The following CAMKMT variants were observed in gnomAD, a reference collection of about 807,000 sequenced individuals.
CAMKMT encodes CaM KMT.
Under a neutral mutation model 48.0 loss-of-function variants are expected in CAMKMT, and 53 were observed. The ratio of observed to expected loss-of-function variants is 1.10; its 90% CI spans 0.89 to 1.39. The LOEUF (loss-of-function observed/expected upper bound fraction) is 1.39. Among genes scored for constraint, CAMKMT ranks in the 40% most tolerant of loss-of-function variants. The pLI, the probability that CAMKMT is intolerant of heterozygous loss-of-function variation, is 0.00. For missense variants in CAMKMT, 428 were observed against 402.7 expected (o/e 1.06, Z -0.54); for synonymous variants, 165 against 152.3 (o/e 1.08, Z -0.61).
In CAMKMT at chr2:44,667,328, G is replaced by A. The variant is rs534918054; in HGVS notation, c.377-36955G>A. 2.8e-4 allele frequency among the ~76,000 whole-genome samples: 42 copies of A among 152,200 alleles called. No homozygotes were observed. In the East Asian group the frequency reaches 6.0e-3, roughly 22 times the overall value. On this transcript the variant is annotated intron_variant, in intron 3 of 10. Transcript: ENST00000378494. ...TCACCAGCAGATGATATCCCCATCC[G>A]GCTCTCCCCTGAGGACCCTGCTTCC...
At chr2:44,615,128 G>C (rs1286404633) in intron 3 of CAMKMT, among the ~76,000 whole-genome samples, 1 of 151,546 alleles carries the variant, frequency 6.6e-6, no homozygotes. Context: ...GTCTTGCTAT[G>C]TTGCCCAGGC....
chr2:44,710,895 A>C (rs1437002106), intron 6 of CAMKMT, among the ~76,000 whole-genome samples: 2 of 152,202 alleles, frequency 1.3e-5, no homozygotes, highest in Non-Finnish European at 2.9e-5. Context: ...CTATGCAGAA[A>C]ATTCCAATGT....
At chr2:44,569,669 G>C (rs1368421341) in intron 3 of CAMKMT, among the ~76,000 whole-genome samples, 1 of 152,190 alleles carries the variant, frequency 6.6e-6, no homozygotes, top group Non-Finnish European at 1.5e-5. Context: ...AGAATGCTGA[G>C]GAAGGGTAGT....
rs1674214639 is a variant in CAMKMT, at chr2:44,653,739, A to T, written c.377-50544A>T. The stretch of plus-strand genomic sequence containing the variant: ...AAATTAATCTTTTGGGATTGTAGAT[A>T]TAATAGCAATAATTTGGAGTTATTT... On this transcript the variant is annotated intron_variant, in intron 3 of 10. Coordinates refer to ENST00000378494, the MANE Select transcript of CAMKMT (RefSeq NM_024766.5). The surrounding 1 kb of genome is among the most constrained non-coding windows in gnomAD (Gnocchi z 5.2). Among the ~76,000 whole-genome samples, 15 of 152,318 alleles carry T rather than the reference A, an allele frequency of 9.8e-5. 1 individual carries two copies. In the South Asian group the frequency reaches 3.1e-3, roughly 32 times the overall value.
intron 2 of CAMKMT, among the ~76,000 whole-genome samples, chr2:44,389,896 T>C (rs894082883): frequency 3.9e-5 from 6 of 152,184 alleles, no homozygotes; most frequent in African/African-American, 1.4e-4. Flanking sequence ...TGGAAGGTGA[T>C]GATTTTTCAG....
intron 3 of CAMKMT, among the ~76,000 whole-genome samples, chr2:44,433,470 C>T (rs369192517): frequency 2.6e-5 from 4 of 151,240 alleles, no homozygotes; most frequent in Non-Finnish European, 5.9e-5. Flanking sequence ...AGTTTGTATA[C>T]GAAAAGATGT....
chr2:44,543,992 C>A (rs1487572563), intron 3 of CAMKMT, among the ~76,000 whole-genome samples: 4 of 152,026 alleles, frequency 2.6e-5, no homozygotes, highest in African/African-American at 9.7e-5. Context: ...TAAGATAGGT[C>A]AAATGAAGTT....
intron 3 of CAMKMT, among the ~76,000 whole-genome samples, chr2:44,568,386 C>A (rs1283104919): frequency 1.3e-5 from 2 of 152,182 alleles, no homozygotes; most frequent in Non-Finnish European, 2.9e-5. Flanking sequence ...CCTGAATGAA[C>A]ATAATTTTTC....
intron 3 of CAMKMT, among the ~76,000 whole-genome samples, chr2:44,546,305 C>A (rs1017651335): frequency 1.3e-5 from 2 of 152,132 alleles, no homozygotes; most frequent in African/African-American, 4.8e-5. Context: ...TGGCCTTGTC[C>A]TGGAAATTCC....
chr2:44,507,448 C>G (rs906632886), intron 3 of CAMKMT, among the ~76,000 whole-genome samples: 5 of 152,100 alleles, frequency 3.3e-5, no homozygotes, highest in African/African-American at 1.2e-4. Context: ...CAAAAAAGCA[C>G]TGAACCAAAT....
At chr2:44,574,153 G>A (rs80248922) in intron 3 of CAMKMT, among the ~76,000 whole-genome samples, 4,223 of 152,230 alleles carry the variant, frequency 0.028, 186 homozygotes, top group African/African-American at 0.096. Flanking sequence ...TGAAGGAAAT[G>A]TTTAGACTTA....
chr2:44,376,374 T>C (rs550832342), intron 2 of CAMKMT, among the ~76,000 whole-genome samples: 1 of 151,284 alleles, frequency 6.6e-6, no homozygotes, highest in East Asian at 2.0e-4. Flanking sequence ...TCAGATGAGA[T>C]TGTGCCACTG....
chr2:44,741,943 G>A (rs149349911), intron 7 of CAMKMT, among the ~76,000 whole-genome samples: 62 of 152,142 alleles, frequency 4.1e-4, no homozygotes, highest in African/African-American at 1.4e-3. Context: ...TTTATGGAAT[G>A]GTAAGATTAT....
At chr2:44,421,016 TATATTTCCTTTGA>T (rs1220612738) in intron 3 of CAMKMT, among the ~76,000 whole-genome samples, 2 of 152,182 alleles carry the variant, frequency 1.3e-5, no homozygotes, top group African/African-American at 4.8e-5. Flanking sequence ...ATATCTGCTA[TATATTTCCTTTGA>T]ATATTTGTTA....
chr2:44,538,958 CTGTGTGTGTGTGTGTG>C lies in CAMKMT; in HGVS notation c.376+148683_376+148698del, dbSNP rs57970764. Among the ~76,000 whole-genome samples, 336 of 140,216 alleles carry C rather than the reference CTGTGTGTGTGTGTGTG, an allele frequency of 2.4e-3. 1 individual carries two copies. Among genetic ancestry groups the C allele is most frequent in the African/African-American group, 7.6e-3 (286 of 37,784 alleles). The allele number at this position is 140,216 out of a possible 152,430, so 92.0% of individuals were successfully genotyped here. A position where few individuals can be genotyped will look rare whatever the true frequency, so the allele number is the denominator to read the frequency against. On this transcript the variant is annotated intron_variant, in intron 3 of 10. Coordinates refer to ENST00000378494, the MANE Select transcript of CAMKMT (RefSeq NM_024766.5). ...TTTCTCTCTCTTTCTGTGTGTGTGTCTGTGTGTGTGTGTGTGTGTGTGTGTGTGTGTGTGTGTGTGT... is the reference window on the plus strand; with the variant it reads ...TTTCTCTCTCTTTCTGTGTGTGTGTCTGTGTGTGTGTGTGTGTGTGTGTGT...
At chr2:44,456,066 C>A (rs185487649) in intron 3 of CAMKMT, among the ~76,000 whole-genome samples, 30 of 152,200 alleles carry the variant, frequency 2.0e-4, no homozygotes, top group African/African-American at 6.7e-4. Context: ...CTGTATGCTA[C>A]CAGTCTTGTA....
At chr2:44,613,088 G>C (rs979271933) in intron 3 of CAMKMT, among the ~76,000 whole-genome samples, 3 of 152,206 alleles carry the variant, frequency 2.0e-5, no homozygotes, top group African/African-American at 7.2e-5. Context: ...ATTTCAATGA[G>C]TCTTTTGGGG....
rs1670219157 is a variant in CAMKMT at position 44,505,623 on chromosome 2, T to G, written c.376+115318T>G. 3.9e-5 allele frequency among the ~76,000 whole-genome samples: 6 copies of G among 152,150 alleles called. No homozygotes were observed. In the South Asian group the frequency reaches 1.2e-3, roughly 32 times the overall value. ...GCTGATGTCCAGTTGCTCTATTCTT[T>G]ATCATAAAGGTCTTCATCCTCATCA... On this transcript the variant is annotated intron_variant, in intron 3 of 10. Coordinates refer to ENST00000378494, the MANE Select transcript of CAMKMT (RefSeq NM_024766.5).
chr2:44,723,540 G>A (rs1455033500), intron 7 of CAMKMT, among the ~76,000 whole-genome samples: 2 of 151,310 alleles, frequency 1.3e-5, no homozygotes, highest in Non-Finnish European at 2.9e-5. Flanking sequence ...GCAGTGAGCG[G>A]AGATCACACC....
Sources: allele counts gnomAD v4.1 joint callset (sites outside exome capture counted in the v4.1 genomes callset), GRCh38; gene constraint gnomAD v4.1.1; non-coding constraint Gnocchi (gnomAD v3.1); transcripts MANE v1.5; gene names NCBI Gene and HGNC (gene_info 2026-07-23, HGNC 2026-07-21).